Variants in RIMS2 observed in about 807,000 individuals in gnomAD.
The protein encoded by RIMS2 is regulating synaptic membrane exocytosis protein 2.
Under a neutral mutation model 174.4 loss-of-function variants are expected in RIMS2, and 59 were observed. The ratio of observed to expected loss-of-function variants is 0.34; its 90% CI spans 0.27 to 0.42. The LOEUF (loss-of-function observed/expected upper bound fraction) is 0.42, where lower values mean the gene tolerates loss of function less well. RIMS2 is among the 10% of genes least tolerant of loss of function. RIMS2 has a pLI of 1.00. For missense variants in RIMS2, 1,620 were observed against 1,666.3 expected (o/e 0.97, Z 0.48); for synonymous variants, 606 against 572.5 (o/e 1.06, Z -0.84).
chr8:104,160,378 G>C (rs2098753850), intron 19 of RIMS2, among the ~76,000 whole-genome samples: 1 of 152,134 alleles, frequency 6.6e-6, no homozygotes, highest in Non-Finnish European at 1.5e-5. Flanking sequence ...CTTTAGAGAA[G>C]ATAACTTAAA....
At chr8:103,683,778 C>A (rs959651241) in intron 1 of RIMS2, among the ~76,000 whole-genome samples, 8 of 152,126 alleles carry the variant, frequency 5.3e-5, no homozygotes, top group Non-Finnish European at 5.9e-5. Context: ...GGGAGAAGTT[C>A]TAATGCAGAG....
chr8:103,928,990 T>C (rs1257519550), intron 11 of RIMS2, among the ~76,000 whole-genome samples: 1 of 151,620 alleles, frequency 6.6e-6, no homozygotes, highest in African/African-American at 2.4e-5. Context: ...ACTGGATATC[T>C]ATAAAAAACT....
intron 18 of RIMS2, 132 bp downstream of exon 20, chr8:104,013,753 A>G (rs1305619245): frequency 2.0e-5 from 13 of 657,304 alleles, no homozygotes; most frequent in Non-Finnish European, 3.2e-5. Context: ...AACCTTTTCA[A>G]TGTAAACACA....
intron 2 of RIMS2, among the ~76,000 whole-genome samples, chr8:103,763,473 G>T (rs941505630): frequency 3.3e-5 from 5 of 151,326 alleles, no homozygotes; most frequent in African/African-American, 1.2e-4. Flanking sequence ...AAGGAAGGGA[G>T]GGAGGAAGGA....
At chr8:103,989,022 T>C (rs1049088570) in intron 16 of RIMS2, among the ~76,000 whole-genome samples, 6 of 152,180 alleles carry the variant, frequency 3.9e-5, no homozygotes, top group African/African-American at 1.4e-4. Flanking sequence ...TAGTCATCCA[T>C]ATGATGGTTA....
chr8:104,155,215 T>G (rs1006981532), intron 19 of RIMS2, among the ~76,000 whole-genome samples: 1 of 151,898 alleles, frequency 6.6e-6, no homozygotes, highest in African/African-American at 2.4e-5. Context: ...CACGCCATTC[T>G]CCTGCCTCAG....
chr8:103,918,123 A>G (rs966183782), intron 8 of RIMS2, among the ~76,000 whole-genome samples: 7 of 152,168 alleles, frequency 4.6e-5, no homozygotes, highest in African/African-American at 1.7e-4. Flanking sequence ...TATCTGTAAA[A>G]CTTATCTTGT....
chr8:104,106,900 T>C (rs2098080122), intron 19 of RIMS2, among the ~76,000 whole-genome samples: 1 of 152,174 alleles, frequency 6.6e-6, no homozygotes, highest in Non-Finnish European at 1.5e-5. Flanking sequence ...AAAATAACTT[T>C]CATGCATGAG....
At chr8:104,011,851 T>C (rs986771966) in intron 17 of RIMS2, among the ~76,000 whole-genome samples, 1 of 151,950 alleles carries the variant, frequency 6.6e-6, no homozygotes, top group Non-Finnish European at 1.5e-5. Flanking sequence ...TAAGAAATAA[T>C]ACATAGATAT....
At chr8:103,528,635 T>C (rs1417326712) in intron 1 of RIMS2, among the ~76,000 whole-genome samples, 1 of 152,232 alleles carries the variant, frequency 6.6e-6, no homozygotes, top group African/African-American at 2.4e-5. Flanking sequence ...CCAGCACCAT[T>C]TATTAAATAG....
At chr8:103,531,158 C>G (rs1836886650) in intron 1 of RIMS2, among the ~76,000 whole-genome samples, 1 of 151,854 alleles carries the variant, frequency 6.6e-6, no homozygotes, top group South Asian at 2.1e-4. Context: ...GAGCACTTTA[C>G]CCAATGACTG....
At chr8:104,198,649 A>C (rs1018957998) in intron 19 of RIMS2, among the ~76,000 whole-genome samples, 1 of 152,238 alleles carries the variant, frequency 6.6e-6, no homozygotes, top group African/African-American at 2.4e-5. Flanking sequence ...GAGGCATTCC[A>C]GACAGAGATC....
At chr8:103,557,346 C>G (rs2090674769) in intron 1 of RIMS2, among the ~76,000 whole-genome samples, 1 of 152,184 alleles carries the variant, frequency 6.6e-6, no homozygotes, top group African/African-American at 2.4e-5. Flanking sequence ...CTGCCAGCAT[C>G]AAATGTTCCA....
At chr8:103,898,719 T>C (rs532085203) in intron 4 of RIMS2, among the ~76,000 whole-genome samples, 2 of 151,538 alleles carry the variant, frequency 1.3e-5, no homozygotes, top group African/African-American at 4.9e-5. Flanking sequence ...TTTTTGTTTG[T>C]TTTTATTTTT....
chr8:103,678,238 CA>C (rs2096839191), intron 1 of RIMS2, among the ~76,000 whole-genome samples: 1 of 152,138 alleles, frequency 6.6e-6, no homozygotes, highest in Non-Finnish European at 1.5e-5. Context: ...AATATACACA[CA>C]ATACATATTT....
chr8:103,669,158 A>G (rs993849383), intron 1 of RIMS2, among the ~76,000 whole-genome samples: 1 of 152,192 alleles, frequency 6.6e-6, no homozygotes, highest in Non-Finnish European at 1.5e-5. Flanking sequence ...ACATGGTGGC[A>G]GGCAAAGAGA....
rs146680507 is a variant in RIMS2 at position 103,675,042 on chromosome 8, C to T, written c.177-22044C>T. ...TCTCCTGCTTCAGCCTCCTGAGTAGCGAGGATTACAGGCACTCGCCACCAT... is the reference window on the plus strand; with the variant it reads ...TCTCCTGCTTCAGCCTCCTGAGTAGTGAGGATTACAGGCACTCGCCACCAT... On this transcript the variant is annotated intron_variant, in intron 1 of 23. Transcript: ENST00000504942. Among the ~76,000 whole-genome samples, 763 of 152,210 alleles carry T rather than the reference C, an allele frequency of 5.0e-3. 5 individuals are homozygous for T. Among genetic ancestry groups the T allele is most frequent in the African/African-American group, 0.018 (728 of 41,536 alleles).
chr8:103,882,481 A>T (rs542356079), intron 3 of RIMS2, among the ~76,000 whole-genome samples: 1 of 151,628 alleles, frequency 6.6e-6, no homozygotes, highest in Non-Finnish European at 1.5e-5. Flanking sequence ...TAGTGTTAAC[A>T]TACTGTAAGG....
chr8:103,601,963 C>T (rs567232121), intron 1 of RIMS2, among the ~76,000 whole-genome samples: 141 of 151,912 alleles, frequency 9.3e-4, no homozygotes, highest in African/African-American at 3.1e-3. Context: ...CATCTTCATG[C>T]TTTTTTATTT....
Sources: allele counts gnomAD v4.1 joint callset (sites outside exome capture counted in the v4.1 genomes callset), GRCh38; gene constraint gnomAD v4.1.1; transcripts MANE v1.5; gene names NCBI Gene and HGNC (gene_info 2026-07-23, HGNC 2026-07-21).